Variants in INF2 observed in about 807,000 individuals in gnomAD.
The protein encoded by INF2 is inverted formin 2.
A neutral mutation model predicts 123.5 loss-of-function variants in INF2; 43 were observed. The ratio of observed to expected loss-of-function variants is 0.35; its 90% confidence interval spans 0.27 to 0.45. The LOEUF is 0.45. Among genes scored for constraint, INF2 ranks in the 20% least tolerant of loss-of-function variants. INF2 has a pLI of 1.00. For synonymous variants in INF2, 851 were observed against 745.0 expected (o/e 1.14, Z -2.32); for missense variants, 1,453 against 1,682.7 (o/e 0.86, Z 2.39).
At chr14:104,718,078 C>A (rs574988362) in intron 22 of INF2, among the ~76,000 whole-genome samples, 1 of 152,386 alleles carries the variant, frequency 6.6e-6, no homozygotes, top group African/African-American at 2.4e-5. Context: ...TCCAGGTTCC[C>A]TGAGTGGGGA....
chr14:104,707,598 C>A lies in INF2; in HGVS notation c.1331C>A (p.Pro444His). 1 of 1,107,386 alleles carries A rather than the reference C, an allele frequency of 9.0e-7. No individual in the cohort carries two copies. Among genetic ancestry groups the A allele is most frequent in the Non-Finnish European group, 1.3e-6 (1 of 797,126 alleles). The allele number at this position is 1,107,386 out of a possible 1,614,324, so 68.6% of individuals were successfully genotyped here. A position where few individuals can be genotyped will look rare whatever the true frequency, so the allele number is the denominator to read the frequency against. The change falls in exon 8 of 23, where the codon CCC (proline) becomes CAC (histidine). Residue 444 changes from proline to histidine, a missense_variant. Coordinates refer to ENST00000392634, the MANE Select transcript of INF2 (RefSeq NM_022489.4). Reference protein sequence around the residue: ...SAEPPPPPPPPPLPSVGAKAL... With the variant: ...SAEPPPPPPPHPLPSVGAKAL... ...GAGCCCCCTCCCCCTCCCCCACCAC[C>A]CCCCCTGCCCAGTGTGGGGGCTAAG...
intron 22 of INF2, chr14:104,717,728 GC>G (rs1890377598): frequency 6.6e-6 from 1 of 152,184 alleles, no homozygotes; most frequent in Admixed American, 6.5e-5. Flanking sequence ...GACGTTTGTG[GC>G]AGCAGCGCTG....
At chr14:104,700,549 TG>T (rs1485007425) in intron 1 of INF2, among the ~76,000 whole-genome samples, 2 of 152,024 alleles carry the variant, frequency 1.3e-5, no homozygotes, top group Non-Finnish European at 2.9e-5. Flanking sequence ...GGACAGCGGC[TG>T]GGGGGATGTG....
At chr14:104,705,143 G>A (rs1165787324) in intron 5 of INF2, among the ~76,000 whole-genome samples, 2 of 152,292 alleles carry the variant, frequency 1.3e-5, no homozygotes, top group Non-Finnish European at 1.5e-5. Flanking sequence ...GGGGCCAGGC[G>A]CGGTGGCTCA....
At position 104,719,966 on chromosome 14, in the gene INF2, T is replaced by C. The variant is rs1479982845; in HGVS notation, c.*1173T>C. Reference sequence around the variant, plus strand: ...CCAGACTCCCTGGTTATGTGTGTGCTGCGGTGGTGTTTGCTCTCCAGCAGA... The same window carrying C: ...CCAGACTCCCTGGTTATGTGTGTGCCGCGGTGGTGTTTGCTCTCCAGCAGA... On this transcript the variant is annotated 3_prime_UTR_variant, in exon 23 of 23. Coordinates refer to ENST00000392634, the MANE Select transcript of INF2 (RefSeq NM_022489.4). The C allele has an allele frequency of 6.6e-6, 1 of 152,508 alleles. No individual in the cohort carries two copies. Among genetic ancestry groups the C allele is most frequent in the Non-Finnish European group, 1.5e-5 (1 of 68,228 alleles). The allele number at this position is 152,508 out of a possible 1,614,324, so 9.4% of individuals were successfully genotyped here. A position where few individuals can be genotyped will look rare whatever the true frequency, so the allele number is the denominator to read the frequency against.
chr14:104,695,032 G>A (rs941404384), intron 1 of INF2, among the ~76,000 whole-genome samples: 10 of 152,174 alleles, frequency 6.6e-5, no homozygotes, highest in African/African-American at 2.4e-4. Flanking sequence ...CTCGGAGGAG[G>A]CATCTCTGAG....
At chr14:104,690,450 G>GGTCT (rs903523329) in intron 1 of INF2, 1 of 152,728 alleles carries the variant, frequency 6.5e-6, no homozygotes, top group Admixed American at 6.5e-5. Flanking sequence ...CGTGGGGGGT[G>GGTCT]GTCTGTCTGT....
chr14:104,709,584 A>G, intron 11 of INF2, 36 bp from the exon 12 acceptor site: 1 of 1,583,456 alleles, frequency 6.3e-7, no homozygotes, highest in Non-Finnish European at 8.7e-7. Flanking sequence ...GGAAGCTGGC[A>G]TGGGGGGATC....
At position 104,707,327 on chromosome 14, in the gene INF2, G is replaced by T. The variant is rs756668317; in HGVS notation, c.1060G>T (p.Val354Phe). 1.2e-6 allele frequency: 2 copies of T among 1,603,776 alleles called. No homozygotes were observed. The highest frequency in any genetic ancestry group is 2.2e-5 in the South Asian group (2 of 89,214). The change falls in exon 8 of 23, where the codon GTC (valine) becomes TTC (phenylalanine). Residue 354 changes from valine to phenylalanine, a missense_variant. Val to Phe is a conservative substitution (Grantham distance 50). Around this residue, in one of 8 missense-constraint regions of INF2, gnomAD observed 374 missense variants for 303.7 expected, o/e 1.23. Transcript: ENST00000392634. ...GGGGCGACCCAGACCGAGCCCCCTG[G>T]TCAAGGCCCATAAAAGCGTCCAGGC... Reference protein sequence around the residue: ...VKGRPRPSPLVKAHKSVQANL... With the variant: ...VKGRPRPSPLFKAHKSVQANL...
At chr14:104,712,364 G>A (rs986125349) in intron 16 of INF2, 69 bp from the exon 17 acceptor site, 1 of 1,595,244 alleles carries the variant, frequency 6.3e-7, no homozygotes, top group Non-Finnish European at 8.6e-7. Context: ...TGCAGGGGAG[G>A]GGCTCCCCTG....
At chr14:104,710,234 C>G (rs1002673159) in intron 13 of INF2, 46 bp downstream of exon 13, 1 of 1,408,738 alleles carries the variant, frequency 7.1e-7, no homozygotes, top group Non-Finnish European at 9.7e-7. Context: ...GACAGGCCTC[C>G]GAACCGGGGC....
chr14:104,694,556 CAGTA>C (rs1595155032), intron 1 of INF2, among the ~76,000 whole-genome samples: 1 of 152,196 alleles, frequency 6.6e-6, no homozygotes, highest in Non-Finnish European at 1.5e-5. Context: ...GTCAATCTGT[CAGTA>C]AGCTGTGGGG....
chr14:104,712,139 G>C (rs544387230), intron 16 of INF2, among the ~76,000 whole-genome samples: 5 of 152,234 alleles, frequency 3.3e-5, no homozygotes, highest in Admixed American at 3.3e-4. Context: ...CTAGCACGGA[G>C]TTCTTCCCGG....
intron 22 of INF2, among the ~76,000 whole-genome samples, chr14:104,716,652 AG>A: frequency 6.6e-6 from 1 of 152,294 alleles, no homozygotes; most frequent in South Asian, 2.1e-4. Context: ...CACGTGGCTG[AG>A]GGCAAGAGGA....
rs76121248 is a variant in INF2 at position 104,711,847 on chromosome 14, C to T, written c.2489+148C>T. 2,357 of 715,094 alleles carry T rather than the reference C, an allele frequency of 3.3e-3. 79 individuals are homozygous for T. The East Asian group carries it at 0.056, about 17-fold the overall frequency. 44.3% of individuals were successfully genotyped at this position (715,094 alleles called of 1,614,324 possible). A position where few individuals can be genotyped will look rare whatever the true frequency, so the allele number is the denominator to read the frequency against. On this transcript the variant is annotated intron_variant, in intron 16 of 22. Coordinates refer to ENST00000392634, the MANE Select transcript of INF2 (RefSeq NM_022489.4). ...GGAGCCCTGCCCAATAGAACACTTC[C>T]CTTTTGGGACAGGACCGGGTCTGCC...
chr14:104,701,283 C>A, intron 1 of INF2, 74 bp from the exon 2 acceptor site: 1 of 1,483,666 alleles, frequency 6.7e-7, no homozygotes, highest in African/African-American at 1.4e-5. Flanking sequence ...GGGAAGTGGC[C>A]CCGCCTGCGC....
At chr14:104,686,046 A>C (rs111074460), upstream of INF2, among the ~76,000 whole-genome samples, 4,949 of 134,488 alleles carry the variant, frequency 0.037, 275 homozygotes, top group African/African-American at 0.11. Flanking sequence ...TGGATGGACA[A>C]ATAGATGGGC....
intron 20 of INF2, 137 bp downstream of exon 20, chr14:104,713,743 C>T: frequency 3.1e-6 from 3 of 959,362 alleles, no homozygotes; most frequent in South Asian, 3.4e-5. Context: ...AGACTGGGGA[C>T]AGCCGAGGGG....
At chr14:104,689,402 C>T (rs1007104696), upstream of INF2, among the ~76,000 whole-genome samples, 1 of 152,138 alleles carries the variant, frequency 6.6e-6, no homozygotes, top group Non-Finnish European at 1.5e-5. Context: ...AGGAGCCAGG[C>T]CAGCAGGGAC....
Sources: gnomAD v4.1 joint callset for allele counts (sites outside exome capture counted in the v4.1 genomes callset) on GRCh38, gnomAD v4.1.1 for gene constraint, gnomAD v4.1.1 regional missense constraint, MANE v1.5 for transcripts, NCBI Gene and HGNC (gene_info 2026-07-23, HGNC 2026-07-21) for gene names.